Variants in SLC7A7 observed in about 807,000 individuals in gnomAD.
The protein encoded by SLC7A7 is solute carrier family 7 member 7, also known as Y+L amino acid transporter 1.
In SLC7A7, 39 loss-of-function variants were observed where a neutral mutation model predicts 47.9. The observed-to-expected ratio is 0.81, with a 90% CI of 0.63 to 1.06. The LOEUF is 1.06. Ranked by LOEUF, SLC7A7 falls within the 50% of genes least tolerant of loss-of-function variation. The pLI, the probability that SLC7A7 is intolerant of heterozygous loss-of-function variation, is 0.00. For missense variants in SLC7A7, 588 were observed against 632.0 expected (o/e 0.93, Z 0.75); for synonymous variants, 234 against 242.8 (o/e 0.96, Z 0.34).
At chr14:22,803,691 G>A (rs1252482957) in intron 2 of SLC7A7, among the ~76,000 whole-genome samples, 3 of 152,186 alleles carry the variant, frequency 2.0e-5, no homozygotes, top group Non-Finnish European at 4.4e-5. Flanking sequence ...AAGAAGTCAG[G>A]TGGAGTAGGG....
chr14:22,809,443 C>T (rs1158451602), intron 2 of SLC7A7, among the ~76,000 whole-genome samples: 2 of 151,732 alleles, frequency 1.3e-5, no homozygotes, highest in Non-Finnish European at 2.9e-5. Context: ...CGGGTTCAAG[C>T]GATTCCCCTG....
chr14:22,800,934 C>T (rs2139436245), intron 2 of SLC7A7, among the ~76,000 whole-genome samples: 1 of 151,776 alleles, frequency 6.6e-6, no homozygotes, highest in South Asian at 2.1e-4. Flanking sequence ...AGCAAGACTC[C>T]ACCTCAAAAA....
At chr14:22,788,670 C>G (rs1266192897) in intron 2 of SLC7A7, among the ~76,000 whole-genome samples, 1 of 149,808 alleles carries the variant, frequency 6.7e-6, no homozygotes, top group Non-Finnish European at 1.5e-5. Flanking sequence ...TACCACTGCA[C>G]TCCAGCCCGG....
At chr14:22,784,973 T>C (rs1419167803) in intron 2 of SLC7A7, among the ~76,000 whole-genome samples, 1 of 152,136 alleles carries the variant, frequency 6.6e-6, no homozygotes, top group African/African-American at 2.4e-5. Flanking sequence ...CCCGGCGTCA[T>C]TCCATTTTAA....
intron 2 of SLC7A7, among the ~76,000 whole-genome samples, chr14:22,781,593 G>A (rs186233631): frequency 6.6e-6 from 1 of 152,258 alleles, no homozygotes; most frequent in Admixed American, 6.5e-5. Flanking sequence ...CAAGTGTGCA[G>A]CACCCCACAA....
chr14:22,774,182 C>G, intron 8 of SLC7A7, 66 bp from the exon 9 acceptor site: 2 of 1,597,518 alleles, frequency 1.3e-6, no homozygotes, highest in Non-Finnish European at 1.7e-6. Flanking sequence ...AATAACCCCA[C>G]CTCCCATAAG....
At chr14:22,804,330 G>A (rs1180362940) in intron 2 of SLC7A7, among the ~76,000 whole-genome samples, 1 of 152,042 alleles carries the variant, frequency 6.6e-6, no homozygotes, top group African/African-American at 2.4e-5. Context: ...AATACCAAAA[G>A]CAATTGCCAA....
chr14:22,788,840 T>C (rs749432357), intron 2 of SLC7A7, among the ~76,000 whole-genome samples: 3 of 151,940 alleles, frequency 2.0e-5, no homozygotes, highest in Admixed American at 6.6e-5. Flanking sequence ...AGAAAACTAA[T>C]CAATGCTACT....
At chr14:22,804,264 G>C (rs1822658999) in intron 2 of SLC7A7, among the ~76,000 whole-genome samples, 2 of 152,034 alleles carry the variant, frequency 1.3e-5, no homozygotes, top group South Asian at 4.1e-4. Context: ...AAAAAATCTA[G>C]GGTTTTATAG....
chr14:22,773,824 G>T, intron 9 of SLC7A7, 108 bp from the exon 10 acceptor site: 1 of 1,552,978 alleles, frequency 6.4e-7, no homozygotes, highest in Non-Finnish European at 8.9e-7. Flanking sequence ...AAGCCGAAGG[G>T]TTCATAAGAA....
At chr14:22,792,124 C>G (rs1469594035) in intron 2 of SLC7A7, among the ~76,000 whole-genome samples, 1 of 151,998 alleles carries the variant, frequency 6.6e-6, no homozygotes, top group East Asian at 1.9e-4. Flanking sequence ...CTTGAGCCAC[C>G]GCGCCCGGCC....
chr14:22,785,938 C>T (rs1366247984), intron 2 of SLC7A7, among the ~76,000 whole-genome samples: 11 of 149,844 alleles, frequency 7.3e-5, no homozygotes, highest in East Asian at 1.9e-4. Context: ...AGGAGAATGA[C>T]GTGAACCCGG....
intron 2 of SLC7A7, among the ~76,000 whole-genome samples, chr14:22,806,118 CAAAA>C (rs753674829): frequency 1.5e-5 from 1 of 66,208 alleles, no homozygotes; most frequent in Non-Finnish European, 2.5e-5. Flanking sequence ...GACTCTGTCT[CAAAA>C]AAAAAAAAAA....
At chr14:22,776,566 C>G (rs1281455685) in intron 4 of SLC7A7, among the ~76,000 whole-genome samples, 1 of 152,192 alleles carries the variant, frequency 6.6e-6, no homozygotes, top group African/African-American at 2.4e-5. Flanking sequence ...GGAGCAGTGG[C>G]TCATGCCTGT....
At chr14:22,775,708 A>G (rs2038588935) in intron 6 of SLC7A7, 125 bp downstream of exon 6, 1 of 931,950 alleles carries the variant, frequency 1.1e-6, no homozygotes, top group Non-Finnish European at 1.8e-6. Context: ...CTTCTGCTAG[A>G]AACAAGAAGA....
intron 2 of SLC7A7, among the ~76,000 whole-genome samples, chr14:22,811,783 T>TG (rs1187377363): frequency 1.4e-5 from 2 of 141,874 alleles, no homozygotes; most frequent in Non-Finnish European, 3.0e-5. Context: ...ACCCAGAAGA[T>TG]GGAGGTTGCA....
At chr14:22,773,756 G>C in intron 9 of SLC7A7, 40 bp from the exon 10 acceptor site, 1 of 1,598,098 alleles carries the variant, frequency 6.3e-7, no homozygotes, top group African/African-American at 1.3e-5. Context: ...GAAGAGGTCA[G>C]CTGGGCTGAG....
chr14:22,789,627 CAAA>C lies in SLC7A7; in HGVS notation c.500-9579_500-9577del, dbSNP rs71115580. On this transcript the variant is annotated intron_variant, in intron 2 of 9. Transcript: ENST00000674313. Reference sequence around the variant, plus strand: ...TGGGCAACAGAGCAAGACTCTGGCTCAAAAAAAAAAAAAAAAAAGAAAAAAGTT... The same window carrying C: ...TGGGCAACAGAGCAAGACTCTGGCTCAAAAAAAAAAAAAAAGAAAAAAGTT... Among the ~76,000 whole-genome samples, 506 of 112,550 alleles carry C rather than the reference CAAA, an allele frequency of 4.5e-3. 1 individual carries two copies. The highest frequency in any genetic ancestry group is 0.012 in the African/African-American group (370 of 29,660). 73.8% of individuals were successfully genotyped at this position (112,550 alleles called of 152,430 possible).
At chr14:22,775,958 GT>G (rs1566440466) in intron 5 of SLC7A7, 22 bp from the exon 6 acceptor site, 1 of 1,578,072 alleles carries the variant, frequency 6.3e-7, no homozygotes, top group Admixed American at 1.7e-5. Flanking sequence ...GAATGGAAGA[GT>G]CATTAGCAGG....
Sources: allele counts gnomAD v4.1 joint callset (sites outside exome capture counted in the v4.1 genomes callset), GRCh38; gene constraint gnomAD v4.1.1; transcripts MANE v1.5; gene names NCBI Gene and HGNC (gene_info 2026-07-23, HGNC 2026-07-21).